HECW1: variants seen among roughly 807,000 people sequenced by gnomAD.
HECW1 encodes E3 ubiquitin-protein ligase HECW1.
A neutral mutation model predicts 182.3 loss-of-function variants in HECW1; 61 were observed. The observed-to-expected ratio is 0.33, with a 90% confidence interval of 0.27 to 0.41. The LOEUF (loss-of-function observed/expected upper bound fraction) is 0.41, where lower values mean the gene tolerates loss of function less well. HECW1 is among the 10% of genes least tolerant of loss of function. HECW1 has a pLI of 1.00. For synonymous variants in HECW1, 859 were observed against 832.6 expected (o/e 1.03, Z -0.55); for missense variants, 1,739 against 2,108.9 (o/e 0.82, Z 3.44).
Position 43,407,733 on chromosome 7 carries a change from T to A in HECW1, c.801+2T>A. 1.9e-6 allele frequency: 3 copies of A among 1,608,584 alleles called. No individual in the cohort carries two copies. The highest frequency in any genetic ancestry group is 2.5e-6 in the Non-Finnish European group (3 of 1,176,478). Reference sequence around the variant, plus strand: ...GTGAACCCCATCTGGCAGGCCGAGGTGAGTGCTGTGGGCCCTGAAAAAAAG... The same window carrying A: ...GTGAACCCCATCTGGCAGGCCGAGGAGAGTGCTGTGGGCCCTGAAAAAAAG... On this transcript the variant is annotated splice_donor_variant, in intron 8 of 29. Transcript: ENST00000395891. LOFTEE classifies it high-confidence loss of function.
intron 13 of HECW1, among the ~76,000 whole-genome samples, chr7:43,462,205 C>T (rs2077609789): frequency 6.6e-6 from 1 of 151,996 alleles, no homozygotes; most frequent in Non-Finnish European, 1.5e-5. Context: ...TCCTCTTCAC[C>T]CCCTCCCTCC....
intron 2 of HECW1, among the ~76,000 whole-genome samples, chr7:43,155,805 G>A (rs555437895): frequency 6.6e-6 from 1 of 152,320 alleles, no homozygotes; most frequent in South Asian, 2.1e-4. Context: ...GGCATGCTGA[G>A]CTCAGAGAGG....
At chr7:43,327,597 G>A (rs185244040) in intron 5 of HECW1, among the ~76,000 whole-genome samples, 108 of 152,070 alleles carry the variant, frequency 7.1e-4, no homozygotes, top group African/African-American at 2.3e-3. Flanking sequence ...GTTATACCTC[G>A]TACTCATGTT....
At chr7:43,519,303 TG>T (rs1389123418) in intron 24 of HECW1, among the ~76,000 whole-genome samples, 2 of 151,934 alleles carry the variant, frequency 1.3e-5, no homozygotes, top group Non-Finnish European at 2.9e-5. Flanking sequence ...TGGAGTGCAA[TG>T]GCACGATCTT....
intron 2 of HECW1, among the ~76,000 whole-genome samples, chr7:43,187,423 A>C (rs1237461569): frequency 2.0e-5 from 3 of 152,174 alleles, no homozygotes; most frequent in Non-Finnish European, 4.4e-5. Context: ...AATTTTGGGT[A>C]ACTTAACTCA....
chr7:43,426,690 C>T (rs2076373678), intron 8 of HECW1, among the ~76,000 whole-genome samples: 1 of 152,030 alleles, frequency 6.6e-6, no homozygotes, highest in Non-Finnish European at 1.5e-5. Context: ...TGTAAAAGAC[C>T]AGGATTATCT....
At chr7:43,202,648 GT>G (rs1394601634) in intron 2 of HECW1, among the ~76,000 whole-genome samples, 1 of 151,614 alleles carries the variant, frequency 6.6e-6, no homozygotes, top group African/African-American at 2.4e-5. Context: ...TAATTTTTGT[GT>G]TTTTAGTAGA....
intron 2 of HECW1, among the ~76,000 whole-genome samples, chr7:43,124,902 AT>A (rs1377123694): frequency 6.6e-6 from 1 of 152,202 alleles, no homozygotes; most frequent in Admixed American, 6.5e-5. Flanking sequence ...TAAGTCTCCA[AT>A]TTGCAACCTC....
intron 2 of HECW1, among the ~76,000 whole-genome samples, chr7:43,237,016 A>G (rs1190254935): frequency 6.7e-6 from 1 of 148,986 alleles, no homozygotes; most frequent in Non-Finnish European, 1.5e-5. Context: ...ATACCCAATG[A>G]TTAATTTCAG....
Position 43,275,689 on chromosome 7 carries a change from A to T in HECW1, c.27+31757A>T, listed in dbSNP as rs926440421. The stretch of plus-strand genomic sequence containing the variant: ...TTCCTCCACTATTTACTCACCAAGT[A>T]GTCTGTTCTTATGCGCACGCACACA... On this transcript the variant is annotated intron_variant, in intron 3 of 29. Coordinates refer to ENST00000395891, the MANE Select transcript of HECW1 (RefSeq NM_015052.5). Among the ~76,000 whole-genome samples, 4 of 152,018 alleles carry T rather than the reference A, an allele frequency of 2.6e-5. 1 individual carries two copies. Among genetic ancestry groups the T allele is most frequent in the South Asian group, 4.2e-4 (2 of 4,816 alleles).
intron 3 of HECW1, among the ~76,000 whole-genome samples, chr7:43,287,513 CTTTG>C (rs1285117243): frequency 6.6e-6 from 1 of 152,106 alleles, no homozygotes; most frequent in Non-Finnish European, 1.5e-5. Flanking sequence ...TCATTTTCTT[CTTTG>C]TTTGGAGACA....
At chr7:43,451,206 T>C (rs151326304) in intron 12 of HECW1, among the ~76,000 whole-genome samples, 227 of 152,340 alleles carry the variant, frequency 1.5e-3, no homozygotes, top group African/African-American at 5.0e-3. Context: ...TCTGTTAGAC[T>C]TGACTAGTCT....
chr7:43,344,598 A>T (rs940680157), intron 5 of HECW1, among the ~76,000 whole-genome samples: 11 of 150,762 alleles, frequency 7.3e-5, no homozygotes, highest in Non-Finnish European at 1.5e-5. Context: ...ATGTCTTTCG[A>T]TGTAGCACCA....
chr7:43,203,724 CT>C (rs1229885662), intron 2 of HECW1, among the ~76,000 whole-genome samples: 1 of 152,208 alleles, frequency 6.6e-6, no homozygotes, highest in Admixed American at 6.5e-5. Context: ...TCCCAAAATG[CT>C]GGTCACTGGT....
At chr7:43,461,780 C>T (rs1322885306) in intron 13 of HECW1, among the ~76,000 whole-genome samples, 4 of 152,126 alleles carry the variant, frequency 2.6e-5, no homozygotes, top group East Asian at 1.9e-4. Context: ...TCTAAGAGGC[C>T]GGCTCAGGAA....
In HECW1 at chr7:43,444,298, G is replaced by A. The variant is rs199805512; in HGVS notation, c.1126G>A (p.Gly376Ser). The A allele has an allele frequency of 3.9e-4, 625 of 1,614,082 alleles. 2 individuals carry two copies. Among genetic ancestry groups the A allele is most frequent in the Non-Finnish European group, 2.4e-4 (288 of 1,180,040 alleles). ...DSPMNNLMES[G>S]SGEPRSEAPE... is the part of the protein sequence containing the mutation. ...CCCCATGAACAACCTGATGGAAAGC[G>A]GCAGTGGGGAACCTCGGTCTGAGGC... Residue 376 changes from glycine (G) to serine (S), a missense_variant, in exon 11 of 30, where the codon GGC (glycine) becomes AGC (serine). Gly to Ser is a moderately conservative substitution (Grantham distance 56). Transcript: ENST00000395891. This position sits in a 1 kb window ranked among gnomAD's most constrained non-coding sequence, Gnocchi z 4.3.
At chr7:43,273,085 T>C (rs900107181) in intron 3 of HECW1, among the ~76,000 whole-genome samples, 1 of 152,158 alleles carries the variant, frequency 6.6e-6, no homozygotes, top group Non-Finnish European at 1.5e-5. Flanking sequence ...AACCAAATAC[T>C]ACATGTTCTT....
chr7:43,552,781 T>C (rs936942572), intron 28 of HECW1, among the ~76,000 whole-genome samples: 4 of 152,222 alleles, frequency 2.6e-5, no homozygotes, highest in Admixed American at 6.5e-5. Context: ...TAACATTCCA[T>C]TGCATGTATA....
At chr7:43,482,615 A>G (rs1433275621) in intron 17 of HECW1, among the ~76,000 whole-genome samples, 1 of 152,210 alleles carries the variant, frequency 6.6e-6, no homozygotes, top group Non-Finnish European at 1.5e-5. Flanking sequence ...CTTTTAAAAT[A>G]AGGTGCCTGG....
Sources: gnomAD v4.1 joint callset for allele counts (sites outside exome capture counted in the v4.1 genomes callset) on GRCh38, gnomAD v4.1.1 for gene constraint, Gnocchi (gnomAD v3.1) non-coding constraint, MANE v1.5 for transcripts, NCBI Gene and HGNC (gene_info 2026-07-23, HGNC 2026-07-21) for gene names.